Variants in SDK1 observed in about 807,000 individuals in gnomAD.
SDK1 encodes the protein protein sidekick-1.
Under a neutral mutation model 245.5 loss-of-function variants are expected in SDK1, and 157 were observed. The observed-to-expected ratio is 0.64, with a 90% confidence interval of 0.56 to 0.73. The LOEUF (loss-of-function observed/expected upper bound fraction) is 0.73, where lower values mean the gene tolerates loss of function less well. SDK1 is among the 30% of genes least tolerant of loss of function. The pLI is 0.00. For missense variants in SDK1, 3,583 were observed against 3,002.3 expected (o/e 1.19, Z -4.52); for synonymous variants, 1,647 against 1,278.5 (o/e 1.29, Z -6.15).
chr7:3,988,459 C>G (rs865960464), intron 14 of SDK1, among the ~76,000 whole-genome samples: 4 of 152,108 alleles, frequency 2.6e-5, no homozygotes, highest in African/African-American at 9.7e-5. Flanking sequence ...TATACCCAGA[C>G]CAGGCCACTC....
At chr7:3,633,366 C>A (rs1198620658) in intron 2 of SDK1, among the ~76,000 whole-genome samples, 1 of 152,148 alleles carries the variant, frequency 6.6e-6, no homozygotes, top group Non-Finnish European at 1.5e-5. Context: ...CTCCTCTGCA[C>A]TGACGCTGTG....
chr7:3,315,307 C>T (rs1779637861), intron 1 of SDK1, among the ~76,000 whole-genome samples: 2 of 152,140 alleles, frequency 1.3e-5, no homozygotes, highest in African/African-American at 4.8e-5. Flanking sequence ...TCAAGTTATA[C>T]AGTATCATAC....
intron 4 of SDK1, among the ~76,000 whole-genome samples, chr7:3,681,073 G>A (rs918535234): frequency 2.6e-5 from 4 of 152,152 alleles, no homozygotes; most frequent in Non-Finnish European, 5.9e-5. Context: ...TCGATCTCCT[G>A]ACCTTGTGAT....
In SDK1 at chr7:4,173,011, A is replaced by G. The variant is rs77191243; in HGVS notation, c.4801-1211A>G. ...GGGCTTAGACTTGAGCGTGTCTTTTAGGGGGACACAGTTCAACCCACAGCA... is the reference window on the plus strand; with the variant it reads ...GGGCTTAGACTTGAGCGTGTCTTTTGGGGGGACACAGTTCAACCCACAGCA... On this transcript the variant is annotated intron_variant, in intron 32 of 44. Transcript: ENST00000404826. 6.2e-4 allele frequency among the ~76,000 whole-genome samples: 94 copies of G among 152,320 alleles called. 1 individual carries two copies. The East Asian group carries it at 0.016, about 25-fold the overall frequency.
intron 4 of SDK1, among the ~76,000 whole-genome samples, chr7:3,696,301 A>G (rs540033311): frequency 6.6e-6 from 1 of 152,062 alleles, no homozygotes; most frequent in East Asian, 1.9e-4. Flanking sequence ...TGGATCCCCC[A>G]ATCACGTGAT....
intron 5 of SDK1, among the ~76,000 whole-genome samples, chr7:3,828,806 C>T (rs983285136): frequency 1.3e-5 from 2 of 151,834 alleles, no homozygotes; most frequent in Non-Finnish European, 2.9e-5. Context: ...CATGAACCAC[C>T]ATACCTGGCT....
chr7:3,675,493 C>A (rs530113643), intron 4 of SDK1, among the ~76,000 whole-genome samples: 1 of 152,280 alleles, frequency 6.6e-6, no homozygotes, highest in African/African-American at 2.4e-5. Context: ...TGCTGGAGTA[C>A]TTAAAGTGGC....
chr7:3,393,586 AC>A (rs759628544), intron 1 of SDK1, among the ~76,000 whole-genome samples: 17 of 152,226 alleles, frequency 1.1e-4, no homozygotes, highest in Non-Finnish European at 2.1e-4. Flanking sequence ...AGATCAGAAT[AC>A]TACGTAGCAG....
At chr7:3,650,429 T>C (rs553640339) in intron 4 of SDK1, among the ~76,000 whole-genome samples, 1 of 152,372 alleles carries the variant, frequency 6.6e-6, no homozygotes, top group Admixed American at 6.5e-5. Context: ...ACTCTAATTA[T>C]CTTGTGTGAA....
intron 1 of SDK1, among the ~76,000 whole-genome samples, chr7:3,565,785 T>A (rs938152607): frequency 2.6e-5 from 4 of 152,208 alleles, no homozygotes; most frequent in Non-Finnish European, 4.4e-5. Flanking sequence ...GTTAAGTAGT[T>A]GTTATATTGT....
intron 1 of SDK1, among the ~76,000 whole-genome samples, chr7:3,426,051 G>T (rs1360852201): frequency 6.6e-6 from 1 of 152,218 alleles, no homozygotes; most frequent in African/African-American, 2.4e-5. Flanking sequence ...TGTCTTCTCA[G>T]ATATATGGCG....
intron 5 of SDK1, among the ~76,000 whole-genome samples, chr7:3,864,776 C>T (rs567933593): frequency 1.1e-3 from 165 of 152,242 alleles, no homozygotes; most frequent in Non-Finnish European, 2.0e-3. Context: ...CACCAATTAG[C>T]TCAGTCACAC....
chr7:3,709,454 T>C lies in SDK1; in HGVS notation c.713+67349T>C, dbSNP rs144997058. Among the ~76,000 whole-genome samples the C allele has an allele frequency of 3.7e-3, 570 of 152,336 alleles. 20 individuals carry two copies. The highest frequency in any genetic ancestry group is 0.03 in the Admixed American group (459 of 15,306). On this transcript the variant is annotated intron_variant, in intron 4 of 44. Transcript: ENST00000404826. ...CTAGGTAGGGTTAAGGCTTTCTCTG[T>C]GGACTGGATTGCCAGGTTCCCTGGA...
At chr7:4,216,620 G>A (rs183608084) in intron 38 of SDK1, among the ~76,000 whole-genome samples, 10 of 152,298 alleles carry the variant, frequency 6.6e-5, no homozygotes, top group Admixed American at 2.6e-4. Context: ...GAAGTATATT[G>A]TGATGACAAA....
chr7:4,199,989 G>C (rs1783796860), intron 35 of SDK1, among the ~76,000 whole-genome samples: 1 of 152,196 alleles, frequency 6.6e-6, no homozygotes, highest in Non-Finnish European at 1.5e-5. Flanking sequence ...CAGCTACTCA[G>C]GAGGCTGAGG....
At chr7:3,443,868 C>A (rs1471640461) in intron 1 of SDK1, among the ~76,000 whole-genome samples, 2 of 152,148 alleles carry the variant, frequency 1.3e-5, no homozygotes, top group African/African-American at 2.4e-5. Context: ...CTGATTATTT[C>A]AAGTTCAGCT....
Position 3,709,627 on chromosome 7 carries a change from G to A in SDK1, c.713+67522G>A, listed in dbSNP as rs115215473. Among the ~76,000 whole-genome samples the A allele has an allele frequency of 1.3e-3, 201 of 152,330 alleles. 1 individual carries two copies. The highest frequency in any genetic ancestry group is 4.6e-3 in the African/African-American group (193 of 41,584). On this transcript the variant is annotated intron_variant, in intron 4 of 44. Transcript: ENST00000404826. Reference sequence around the variant, plus strand: ...TTTCTTGGAAGAAAGTTAATGGTGTGTCTCTGCAGACTATTTTTTCTTTCC... The same window carrying A: ...TTTCTTGGAAGAAAGTTAATGGTGTATCTCTGCAGACTATTTTTTCTTTCC...
chr7:3,831,922 A>C (rs1583459100), intron 5 of SDK1, among the ~76,000 whole-genome samples: 1 of 151,980 alleles, frequency 6.6e-6, no homozygotes, highest in East Asian at 1.9e-4. Flanking sequence ...GTGGTAGTGC[A>C]TACCTGTGGC....
intron 1 of SDK1, among the ~76,000 whole-genome samples, chr7:3,401,552 C>G (rs536650062): frequency 2.0e-5 from 3 of 152,272 alleles, no homozygotes; most frequent in African/African-American, 7.2e-5. Flanking sequence ...CCACTCATGG[C>G]CCAGGTGAGT....
Sources: gnomAD v4.1 joint callset for allele counts (sites outside exome capture counted in the v4.1 genomes callset) on GRCh38, gnomAD v4.1.1 for gene constraint, MANE v1.5 for transcripts, NCBI Gene and HGNC (gene_info 2026-07-23, HGNC 2026-07-21) for gene names.